Variants in LINGO2 observed in about 807,000 individuals in gnomAD.
LINGO2 encodes leucine-rich repeat and immunoglobulin-like domain-containing nogo receptor-interacting protein 2.
A neutral mutation model predicts 30.6 loss-of-function variants in LINGO2; 14 were observed. The ratio of observed to expected loss-of-function variants is 0.46; its 90% CI spans 0.30 to 0.72. LINGO2 has a LOEUF of 0.72. Ranked by LOEUF, LINGO2 falls within the 30% of genes least tolerant of loss-of-function variation. The pLI, the probability that LINGO2 is intolerant of heterozygous loss-of-function variation, is 0.07. For synonymous variants in LINGO2, 317 were observed against 288.5 expected (o/e 1.10, Z -1.00); for missense variants, 729 against 751.7 (o/e 0.97, Z 0.35).
chr9:28,366,499 C>A (rs1820683569), intron 3 of LINGO2, among the ~76,000 whole-genome samples: 1 of 152,162 alleles, frequency 6.6e-6, no homozygotes, highest in Non-Finnish European at 1.5e-5. Context: ...ACATAAGACT[C>A]ATTCAAATAT....
chr9:28,203,669 A>G (rs1172886833), intron 4 of LINGO2, among the ~76,000 whole-genome samples: 1 of 152,226 alleles, frequency 6.6e-6, no homozygotes, highest in African/African-American at 2.4e-5. Flanking sequence ...GAAAAATGCC[A>G]TATCATACAA....
At chr9:28,124,031 A>C (rs1010974983) in intron 4 of LINGO2, among the ~76,000 whole-genome samples, 1 of 152,138 alleles carries the variant, frequency 6.6e-6, no homozygotes, top group African/African-American at 2.4e-5. Context: ...TTTTCAGCCT[A>C]TTTTTGATAA....
intron 3 of LINGO2, among the ~76,000 whole-genome samples, chr9:28,300,172 T>C (rs1169939788): frequency 6.6e-6 from 1 of 150,630 alleles, no homozygotes; most frequent in African/African-American, 2.4e-5. Flanking sequence ...ACTGTGTTGA[T>C]AGACTATGAC....
intron 1 of LINGO2, among the ~76,000 whole-genome samples, chr9:28,557,062 A>T (rs1299585710): frequency 6.6e-6 from 1 of 152,006 alleles, no homozygotes; most frequent in African/African-American, 2.4e-5. Context: ...AAACCTAGGC[A>T]TTACCATTCA....
the LINGO2 span, among the ~76,000 whole-genome samples, chr9:28,936,605 T>C: frequency 5.1e-3 from 784 of 152,330 alleles, 5 homozygotes; most frequent in African/African-American, 0.018. Context: ...GGAAAACCAG[T>C]AGTCTTCCTG....
intron 4 of LINGO2, among the ~76,000 whole-genome samples, chr9:28,111,745 A>G (rs979238275): frequency 6.6e-6 from 1 of 152,144 alleles, no homozygotes; most frequent in African/African-American, 2.4e-5. Context: ...AAGTATAGTT[A>G]TCTTCCTTTA....
chr9:28,278,957 CAA>C (rs1823226367), intron 4 of LINGO2, among the ~76,000 whole-genome samples: 1 of 151,992 alleles, frequency 6.6e-6, no homozygotes, highest in African/African-American at 2.4e-5. Context: ...AGGAAGAGGT[CAA>C]AATAACAACC....
intron 4 of LINGO2, among the ~76,000 whole-genome samples, chr9:28,243,223 G>GA (rs1821866739): frequency 1.3e-5 from 2 of 151,958 alleles, no homozygotes; most frequent in Non-Finnish European, 2.9e-5. Context: ...TTTGGGAGGC[G>GA]AAGGTGGGCA....
the LINGO2 span, among the ~76,000 whole-genome samples, chr9:28,833,319 T>C: frequency 6.6e-6 from 1 of 152,198 alleles, no homozygotes; most frequent in Non-Finnish European, 1.5e-5. Flanking sequence ...TATAGTACCT[T>C]TTAGAAGATA....
chr9:28,051,922 T>TA (rs1369545199), intron 4 of LINGO2, among the ~76,000 whole-genome samples: 1 of 152,064 alleles, frequency 6.6e-6, no homozygotes, highest in Admixed American at 6.6e-5. Context: ...TACCTAACAA[T>TA]AAAAAACACA....
intron 1 of LINGO2, among the ~76,000 whole-genome samples, chr9:28,592,720 G>C (rs1412221035): frequency 6.6e-6 from 1 of 152,030 alleles, no homozygotes. Flanking sequence ...CCAACCCTTG[G>C]AGAAAGGATA....
At chr9:28,150,509 G>A (rs1418392016) in intron 4 of LINGO2, among the ~76,000 whole-genome samples, 3 of 152,108 alleles carry the variant, frequency 2.0e-5, no homozygotes, top group Non-Finnish European at 4.4e-5. Flanking sequence ...GCTTGAACCC[G>A]GGAGGTGGAG....
At chr9:28,698,895 A>T in the LINGO2 span, among the ~76,000 whole-genome samples, 1 of 151,934 alleles carries the variant, frequency 6.6e-6, no homozygotes, top group Non-Finnish European at 1.5e-5. Context: ...TTTAACAATT[A>T]GCTAGATGTG....
intron 5 of LINGO2, among the ~76,000 whole-genome samples, chr9:28,009,480 A>G (rs1262889365): frequency 6.6e-6 from 1 of 152,126 alleles, no homozygotes; most frequent in African/African-American, 2.4e-5. Flanking sequence ...AATATATAAT[A>G]AAAACTTGTA....
chr9:28,159,100 T>C (rs1028045667), intron 4 of LINGO2, among the ~76,000 whole-genome samples: 3 of 152,324 alleles, frequency 2.0e-5, no homozygotes, highest in South Asian at 2.1e-4. Flanking sequence ...TTTGAGTGGA[T>C]GACAGACTGC....
intron 2 of LINGO2, among the ~76,000 whole-genome samples, chr9:28,400,448 A>G (rs966003121): frequency 1.3e-5 from 2 of 152,206 alleles, no homozygotes; most frequent in African/African-American, 4.8e-5. Flanking sequence ...GAAACCAGCA[A>G]ACACTAATAA....
chr9:28,943,295 C>G, the LINGO2 span, among the ~76,000 whole-genome samples: 895 of 152,062 alleles, frequency 5.9e-3, 8 homozygotes, highest in African/African-American at 0.021. Flanking sequence ...TCAAGACATT[C>G]TTTGACTACT....
At chr9:28,003,392 G>T (rs1433435639) in intron 5 of LINGO2, among the ~76,000 whole-genome samples, 2 of 148,156 alleles carry the variant, frequency 1.3e-5, no homozygotes, top group Non-Finnish European at 3.0e-5. Context: ...GATATAGAGA[G>T]AGAGAGAGTT....
intron 4 of LINGO2, among the ~76,000 whole-genome samples, chr9:28,042,410 T>TCA (rs1824235097): frequency 6.6e-6 from 1 of 152,192 alleles, no homozygotes; most frequent in African/African-American, 2.4e-5. Flanking sequence ...GATGAAAAAG[T>TCA]CACTGGTATA....
Sources: gnomAD v4.1 joint callset for allele counts (sites outside exome capture counted in the v4.1 genomes callset) on GRCh38, gnomAD v4.1.1 for gene constraint, MANE v1.5 for transcripts, NCBI Gene and HGNC (gene_info 2026-07-23, HGNC 2026-07-21) for gene names.